Variants in EPHA3 observed in about 807,000 individuals in gnomAD.
EPHA3 encodes EPH receptor A3, also known as ephrin type-A receptor 3.
EPHA3 carries 42 observed loss-of-function variants against 107.1 expected under a neutral mutation model. The observed-to-expected ratio is 0.39, with a 90% confidence interval of 0.31 to 0.51. EPHA3 has a LOEUF of 0.51. Among genes scored for constraint, EPHA3 ranks in the 20% least tolerant of loss-of-function variants. The pLI, the probability that EPHA3 is intolerant of heterozygous loss-of-function variation, is 0.78. For missense variants in EPHA3, 1,183 were observed against 1,211.2 expected (o/e 0.98, Z 0.35); for synonymous variants, 461 against 424.8 (o/e 1.09, Z -1.05).
At chr3:89,284,434 C>G (rs1706028306) in intron 3 of EPHA3, among the ~76,000 whole-genome samples, 1 of 143,602 alleles carries the variant, frequency 7.0e-6, no homozygotes, top group South Asian at 2.1e-4. Context: ...TTTTATCTAC[C>G]ATCACCTTTT....
intron 3 of EPHA3, among the ~76,000 whole-genome samples, chr3:89,231,146 T>C (rs1460934591): frequency 1.3e-5 from 2 of 152,298 alleles, no homozygotes; most frequent in East Asian, 3.9e-4. Context: ...ATGAATAGGA[T>C]AAGTTTATTG....
Position 89,127,282 on chromosome 3 carries a change from A to G in EPHA3, c.153+9A>G. On this transcript the variant is annotated intron_variant, in intron 2 of 16. Coordinates refer to ENST00000336596, the MANE Select transcript of EPHA3 (RefSeq NM_005233.6). ...CTTATCCATCACATGGGGTGAGTTCAATAAACTATCACAAGGAAACATTTT... is the reference window on the plus strand; with the variant it reads ...CTTATCCATCACATGGGGTGAGTTCGATAAACTATCACAAGGAAACATTTT... 6.2e-7 allele frequency: 1 copy of G among 1,607,212 alleles called. No individual in the cohort carries two copies. Among genetic ancestry groups the G allele is most frequent in the Non-Finnish European group, 8.5e-7 (1 of 1,174,294 alleles).
intron 5 of EPHA3, among the ~76,000 whole-genome samples, chr3:89,388,061 A>G (rs1021573570): frequency 1.3e-5 from 2 of 152,184 alleles, no homozygotes; most frequent in African/African-American, 4.8e-5. Flanking sequence ...AATTAATTCT[A>G]TTGAGAAAAT....
intron 1 of EPHA3, among the ~76,000 whole-genome samples, chr3:89,117,521 T>C (rs1707285173): frequency 2.0e-5 from 3 of 152,222 alleles, no homozygotes; most frequent in African/African-American, 7.2e-5. Context: ...ATTTGCAATG[T>C]CTTCCATGTG....
At chr3:89,207,905 G>A (rs1164853896) in intron 2 of EPHA3, among the ~76,000 whole-genome samples, 2 of 152,082 alleles carry the variant, frequency 1.3e-5, no homozygotes, top group African/African-American at 4.8e-5. Context: ...CTAAAATTTA[G>A]CAAATGCCTA....
At chr3:89,412,056 C>A (rs1709163552) in intron 9 of EPHA3, among the ~76,000 whole-genome samples, 1 of 151,818 alleles carries the variant, frequency 6.6e-6, no homozygotes. Flanking sequence ...GTAGTCTTAG[C>A]AGATATACCA....
intron 5 of EPHA3, among the ~76,000 whole-genome samples, chr3:89,370,341 G>T (rs1184449387): frequency 6.6e-6 from 1 of 151,788 alleles, no homozygotes; most frequent in Non-Finnish European, 1.5e-5. Flanking sequence ...AAAATGATGA[G>T]TTCATGTCCT....
chr3:89,476,773 A>G (rs947683917), intron 16 of EPHA3, among the ~76,000 whole-genome samples: 3 of 151,452 alleles, frequency 2.0e-5, no homozygotes, highest in African/African-American at 7.3e-5. Flanking sequence ...ACGCCCCGCT[A>G]ATTTTTTTGT....
intron 2 of EPHA3, among the ~76,000 whole-genome samples, chr3:89,159,819 T>G (rs978723613): frequency 2.6e-5 from 4 of 152,052 alleles, no homozygotes; most frequent in Non-Finnish European, 4.4e-5. Context: ...CTTCACACGG[T>G]GATTTATGAG....
In EPHA3 at chr3:89,240,593, G is replaced by A. The variant is rs1336388696; in HGVS notation, c.814+30073G>A. On this transcript the variant is annotated intron_variant, in intron 3 of 16. Transcript: ENST00000336596. Reference sequence around the variant, plus strand: ...ATCTATCACAAAACTAATATATAGTGTGTATATTTTTTATAATTATGCAGA... The same window carrying A: ...ATCTATCACAAAACTAATATATAGTATGTATATTTTTTATAATTATGCAGA... 1.3e-5 allele frequency among the ~76,000 whole-genome samples: 2 copies of A among 151,884 alleles called. 1 individual carries two copies. The highest frequency in any genetic ancestry group is 1.3e-4 in the Admixed American group (2 of 15,240).
At chr3:89,414,469 T>C (rs1291831865) in intron 10 of EPHA3, among the ~76,000 whole-genome samples, 2 of 151,160 alleles carry the variant, frequency 1.3e-5, no homozygotes, top group East Asian at 3.9e-4. Flanking sequence ...ATATATATTG[T>C]TTACTCTGTT....
At chr3:89,283,740 T>C (rs187988698) in intron 3 of EPHA3, among the ~76,000 whole-genome samples, 22 of 152,254 alleles carry the variant, frequency 1.4e-4, no homozygotes, top group African/African-American at 4.3e-4. Context: ...CAAGAGAGAA[T>C]TGATGTTCTA....
At chr3:89,436,992 C>T (rs1246069396) in intron 13 of EPHA3, among the ~76,000 whole-genome samples, 1 of 152,046 alleles carries the variant, frequency 6.6e-6, no homozygotes, top group African/African-American at 2.4e-5. Context: ...TTGATATTTT[C>T]CATTATACAA....
At chr3:89,253,467 G>T (rs62278170) in intron 3 of EPHA3, among the ~76,000 whole-genome samples, 40,162 of 151,916 alleles carry the variant, frequency 0.26, 5,582 homozygotes, top group African/African-American at 0.32. Flanking sequence ...CAGTCTTTAA[G>T]CATTAGAGCA....
At chr3:89,413,101 A>C in intron 9 of EPHA3, 40 bp from the exon 10 acceptor site, 1 of 1,608,404 alleles carries the variant, frequency 6.2e-7, no homozygotes, top group South Asian at 1.1e-5. Flanking sequence ...GTTTGTACAA[A>C]TCTAGCTACA....
intron 3 of EPHA3, among the ~76,000 whole-genome samples, chr3:89,302,974 C>T (rs755771296): frequency 7.2e-5 from 11 of 152,058 alleles, no homozygotes; most frequent in Non-Finnish European, 1.3e-4. Flanking sequence ...CTCACAGCAA[C>T]CTTGACGCCC....
intron 2 of EPHA3, among the ~76,000 whole-genome samples, chr3:89,136,915 C>T (rs1298902767): frequency 6.6e-6 from 1 of 151,838 alleles, no homozygotes; most frequent in Non-Finnish European, 1.5e-5. Flanking sequence ...GCTAGTTTCT[C>T]ATATTGATAA....
chr3:89,240,095 G>T (rs1576256893), intron 3 of EPHA3, among the ~76,000 whole-genome samples: 1 of 152,186 alleles, frequency 6.6e-6, no homozygotes, highest in Admixed American at 6.6e-5. Flanking sequence ...CAAAGCAGGG[G>T]CTGTTCTTCC....
At chr3:89,116,667 G>T (rs1167011934) in intron 1 of EPHA3, among the ~76,000 whole-genome samples, 1 of 149,102 alleles carries the variant, frequency 6.7e-6, no homozygotes, top group Admixed American at 6.7e-5. Flanking sequence ...ATGACATCAG[G>T]CTTCCAAAGC....
Sources: gnomAD v4.1 joint callset for allele counts (sites outside exome capture counted in the v4.1 genomes callset) on GRCh38, gnomAD v4.1.1 for gene constraint, MANE v1.5 for transcripts, NCBI Gene and HGNC (gene_info 2026-07-23, HGNC 2026-07-21) for gene names.